Variants in AIG1 observed in about 807,000 individuals in gnomAD.
AIG1 encodes the protein androgen induced 1, also known as androgen-induced gene 1 protein.
A neutral mutation model predicts 31.4 loss-of-function variants in AIG1; 23 were observed. The ratio of observed to expected loss-of-function variants is 0.73; its 90% CI spans 0.53 to 1.04. AIG1 has a LOEUF of 1.04. Among genes scored for constraint, AIG1 ranks in the 50% least tolerant of loss-of-function variants. The probability of loss-of-function intolerance (pLI) is 0.00; values close to 1 mark genes in which losing one functional copy is unlikely to be tolerated. For missense variants in AIG1, 274 were observed against 295.0 expected (o/e 0.93, Z 0.52); for synonymous variants, 100 against 110.5 (o/e 0.90, Z 0.60).
In AIG1 at chr6:143,200,628, T is replaced by G. The variant is rs143515809; in HGVS notation, c.399+35445T>G. Among the ~76,000 whole-genome samples, 375 of 152,248 alleles carry G rather than the reference T, an allele frequency of 2.5e-3. 2 individuals are homozygous for G. The highest frequency in any genetic ancestry group is 8.6e-3 in the African/African-American group (357 of 41,554). On this transcript the variant is annotated intron_variant, in intron 3 of 5. Coordinates refer to ENST00000357847, the MANE Select transcript of AIG1 (RefSeq NM_016108.4). ...ATCAGTGACCGCCGTGTTGACCAAT[T>G]CCATGAACACTTTTTACTCCTCAGT...
chr6:143,088,266 CT>C (rs72556194), intron 1 of AIG1, among the ~76,000 whole-genome samples: 133 of 146,440 alleles, frequency 9.1e-4, no homozygotes, highest in Admixed American at 1.4e-3. Context: ...CACTGCACAT[CT>C]TTTTTTTTTT....
intron 2 of AIG1, among the ~76,000 whole-genome samples, chr6:143,161,855 G>T (rs968400029): frequency 5.3e-5 from 8 of 151,994 alleles, no homozygotes; most frequent in African/African-American, 1.9e-4. Flanking sequence ...CTTAAGTGTG[G>T]AAAGACTGAC....
chr6:143,113,559 C>T (rs959431022), intron 1 of AIG1, among the ~76,000 whole-genome samples: 3 of 150,150 alleles, frequency 2.0e-5, no homozygotes, highest in Non-Finnish European at 4.4e-5. Context: ...GCCGAGATCA[C>T]GCCACTGCAC....
chr6:143,166,804 C>T (rs111446171), intron 3 of AIG1, among the ~76,000 whole-genome samples: 34 of 152,188 alleles, frequency 2.2e-4, no homozygotes, highest in Admixed American at 1.1e-3. Flanking sequence ...AAGGAATGAT[C>T]GCAATTACAA....
chr6:143,130,149 T>A (rs1213981505), intron 1 of AIG1, among the ~76,000 whole-genome samples: 3 of 151,924 alleles, frequency 2.0e-5, no homozygotes, highest in Non-Finnish European at 4.4e-5. Context: ...CAGGATAGTC[T>A]TGATCTCTTG....
intron 3 of AIG1, among the ~76,000 whole-genome samples, chr6:143,166,404 A>G (rs997652476): frequency 1.3e-5 from 2 of 152,162 alleles, no homozygotes; most frequent in African/African-American, 4.8e-5. Context: ...TGGCTTTGCA[A>G]TCTCCTGCCC....
At chr6:143,322,329 T>C (rs943731659) in intron 4 of AIG1, among the ~76,000 whole-genome samples, 25 of 152,196 alleles carry the variant, frequency 1.6e-4, no homozygotes, top group Non-Finnish European at 3.2e-4. Flanking sequence ...AAATTATGAT[T>C]TTCTGTTGTG....
intron 3 of AIG1, among the ~76,000 whole-genome samples, chr6:143,263,405 G>A (rs911403930): frequency 1.3e-5 from 2 of 151,344 alleles, no homozygotes; most frequent in Non-Finnish European, 1.5e-5. Context: ...TATAAGCCCT[G>A]CCCTGGTTCT....
intron 3 of AIG1, among the ~76,000 whole-genome samples, chr6:143,209,920 T>C (rs1207607077): frequency 6.6e-6 from 1 of 152,186 alleles, no homozygotes; most frequent in Non-Finnish European, 1.5e-5. Flanking sequence ...GCCTGTCGTG[T>C]TCACTGCTGT....
intron 4 of AIG1, among the ~76,000 whole-genome samples, chr6:143,308,102 C>G (rs949398058): frequency 2.0e-5 from 3 of 152,212 alleles, no homozygotes; most frequent in Non-Finnish European, 2.9e-5. Context: ...TTCCAGGTGC[C>G]GTCTGTCACC....
At chr6:143,157,395 C>A (rs1406881691) in intron 2 of AIG1, among the ~76,000 whole-genome samples, 1 of 151,710 alleles carries the variant, frequency 6.6e-6, no homozygotes, top group Non-Finnish European at 1.5e-5. Flanking sequence ...TCCAGGCAGT[C>A]CCAGTTTCTG....
chr6:143,317,178 A>G (rs1775825360), intron 4 of AIG1, among the ~76,000 whole-genome samples: 1 of 152,130 alleles, frequency 6.6e-6, no homozygotes, highest in South Asian at 2.1e-4. Flanking sequence ...TATCACCCTA[A>G]TACCAAAACG....
chr6:143,190,066 T>C, intron 3 of AIG1: 1 of 624,588 alleles, frequency 1.6e-6, no homozygotes, highest in Non-Finnish European at 2.0e-6. Flanking sequence ...TCCCATTCAT[T>C]GAGGATTCCA....
chr6:143,242,246 A>G (rs1297486674), intron 3 of AIG1, among the ~76,000 whole-genome samples: 5 of 152,222 alleles, frequency 3.3e-5, no homozygotes, highest in Non-Finnish European at 7.4e-5. Flanking sequence ...AGAGAAAACA[A>G]ACTGAAGACT....
chr6:143,154,606 A>G (rs1010145539), intron 2 of AIG1, among the ~76,000 whole-genome samples: 1 of 152,198 alleles, frequency 6.6e-6, no homozygotes, highest in Non-Finnish European at 1.5e-5. Context: ...TGATACAAAT[A>G]TATATGTGTG....
At chr6:143,114,823 T>A (rs1781601732) in intron 1 of AIG1, among the ~76,000 whole-genome samples, 1 of 152,246 alleles carries the variant, frequency 6.6e-6, no homozygotes, top group Admixed American at 6.5e-5. Flanking sequence ...TTATGTTATA[T>A]GTAATATGCT....
intron 3 of AIG1, among the ~76,000 whole-genome samples, chr6:143,208,018 T>G (rs982028858): frequency 6.6e-6 from 1 of 152,160 alleles, no homozygotes; most frequent in Non-Finnish European, 1.5e-5. Context: ...AATTTCTAAT[T>G]GGCTGTAACT....
intron 3 of AIG1, among the ~76,000 whole-genome samples, chr6:143,212,561 A>G (rs538177059): frequency 1.4e-4 from 22 of 152,292 alleles, no homozygotes; most frequent in African/African-American, 5.1e-4. Context: ...CAGACCATGA[A>G]TTCCTGAATA....
intron 1 of AIG1, among the ~76,000 whole-genome samples, chr6:143,083,185 G>T (rs1778438380): frequency 6.6e-6 from 1 of 152,218 alleles, no homozygotes; most frequent in African/African-American, 2.4e-5. Flanking sequence ...AAACCTTGTA[G>T]CCACAAGTGG....
Sources: gnomAD v4.1 joint callset for allele counts (sites outside exome capture counted in the v4.1 genomes callset) on GRCh38, gnomAD v4.1.1 for gene constraint, MANE v1.5 for transcripts, NCBI Gene and HGNC (gene_info 2026-07-23, HGNC 2026-07-21) for gene names.